SLC2A12: variants seen among roughly 807,000 people sequenced by gnomAD.
SLC2A12 encodes solute carrier family 2 member 12.
SLC2A12 carries 23 observed loss-of-function variants against 41.8 expected under a neutral mutation model. The observed-to-expected ratio is 0.55, with a 90% CI of 0.40 to 0.78. SLC2A12 has a LOEUF of 0.78. SLC2A12 is among the 30% of genes least tolerant of loss of function. The probability of loss-of-function intolerance (pLI) is 0.00; values close to 1 mark genes in which losing one functional copy is unlikely to be tolerated. For missense variants in SLC2A12, 654 were observed against 745.6 expected, an observed-to-expected ratio of 0.88 and a Z score of 1.43; for synonymous variants, 295 against 285.9, an observed-to-expected ratio of 1.03 and a Z score of -0.32.
intron 1 of SLC2A12, among the ~76,000 whole-genome samples, chr6:134,051,297 T>C (rs888784397): frequency 2.0e-5 from 3 of 152,128 alleles, no homozygotes; most frequent in African/African-American, 7.2e-5. Flanking sequence ...TCTCCACTCC[T>C]GAAGAGGGCC....
At position 133,990,971 on chromosome 6, in the gene SLC2A12, T is replaced by TA. The variant is rs1776613797; in HGVS notation, c.*183dup. ...ATCACTTAGGACCTTGTACCTCATC[T>TA]ACCTTTTGAGGTTCCTTCTGGGGAG... On this transcript the variant is annotated 3_prime_UTR_variant, in exon 5 of 5. Coordinates refer to ENST00000275230, the MANE Select transcript of SLC2A12 (RefSeq NM_145176.3). 1 of 633,872 alleles carries TA rather than the reference T, an allele frequency of 1.6e-6. No individual in the cohort carries two copies. Among genetic ancestry groups the TA allele is most frequent in the Non-Finnish European group, 2.6e-6 (1 of 384,172 alleles). The allele number at this position is 633,872 out of a possible 1,614,324, so 39.3% of individuals were successfully genotyped here. A position where few individuals can be genotyped will look rare whatever the true frequency, so the allele number is the denominator to read the frequency against.
At chr6:134,001,909 A>T in intron 4 of SLC2A12, 88 bp downstream of exon 4, 1 of 1,382,932 alleles carries the variant, frequency 7.2e-7, no homozygotes, top group Non-Finnish European at 9.7e-7. Flanking sequence ...AATATCTAAT[A>T]ATTTCAGATA....
intron 3 of SLC2A12, among the ~76,000 whole-genome samples, chr6:134,006,294 A>G (rs1216007933): frequency 1.3e-5 from 2 of 151,972 alleles, no homozygotes; most frequent in Non-Finnish European, 2.9e-5. Context: ...GTTTTTTAAT[A>G]GATTTTTAAT....
chr6:134,002,535 G>A (rs1776766131), intron 3 of SLC2A12, among the ~76,000 whole-genome samples: 1 of 152,022 alleles, frequency 6.6e-6, no homozygotes, highest in African/African-American at 2.4e-5. Context: ...CTTGGGAATC[G>A]CCATGGTAGC....
intron 1 of SLC2A12, among the ~76,000 whole-genome samples, chr6:134,035,396 C>A (rs911617753): frequency 1.2e-4 from 18 of 151,544 alleles, no homozygotes; most frequent in East Asian, 1.9e-4. Flanking sequence ...GGGAGTCCTG[C>A]CCTCTGCCCA....
rs776160549 is a variant in SLC2A12 at position 134,001,997 on chromosome 6, A to C, written c.1700T>G (p.Val567Gly). ...AGAAACCAATGCATGTAATACTTAC[A>C]CTTTTGCTAGCTCCATTGATATTTG... ...LEQISMELAK[V>G]NYVKNNICFM... is the part of the protein sequence containing the mutation. Residue 567 changes from valine to glycine, a missense_variant and splice_region_variant, in exon 4 of 5, where the codon GTG (valine) becomes GGG (glycine). Val to Gly is a moderately radical substitution (Grantham distance 109). This residue lies in a region of SLC2A12 where 134 missense variants were observed against 180.5 expected (regional missense o/e 0.74). Coordinates refer to ENST00000275230, the MANE Select transcript of SLC2A12 (RefSeq NM_145176.3). 5.6e-6 allele frequency: 9 copies of C among 1,609,858 alleles called. No homozygotes were observed. The highest frequency in any genetic ancestry group is 7.6e-6 in the Non-Finnish European group (9 of 1,178,890).
chr6:134,009,943 A>G (rs749719305), intron 2 of SLC2A12, among the ~76,000 whole-genome samples: 1 of 152,222 alleles, frequency 6.6e-6, no homozygotes, highest in Non-Finnish European at 1.5e-5. Flanking sequence ...ATCTGAAAGT[A>G]TCATGTGCAG....
intron 2 of SLC2A12, among the ~76,000 whole-genome samples, chr6:134,018,908 T>G (rs1777003931): frequency 6.6e-6 from 1 of 152,174 alleles, no homozygotes; most frequent in African/African-American, 2.4e-5. Context: ...TTCTCTATCT[T>G]CTCCTCTTCC....
chr6:134,009,642 G>A (rs531403845), intron 2 of SLC2A12, among the ~76,000 whole-genome samples: 152 of 149,410 alleles, frequency 1.0e-3, no homozygotes, highest in South Asian at 3.4e-3. Context: ...ACAACATAGC[G>A]AAATCTTGTC....
intron 1 of SLC2A12, among the ~76,000 whole-genome samples, chr6:134,046,615 A>G (rs1301710816): frequency 6.6e-6 from 1 of 152,110 alleles, no homozygotes; most frequent in East Asian, 1.9e-4. Flanking sequence ...AGCCTGGGCA[A>G]CATGGTGAAA....
intron 2 of SLC2A12, among the ~76,000 whole-genome samples, chr6:134,014,130 G>A (rs953335839): frequency 2.8e-4 from 43 of 152,184 alleles, no homozygotes; most frequent in African/African-American, 9.9e-4. Context: ...TTCCACAGAC[G>A]GGGGCAGGAG....
At chr6:134,023,453 T>G (rs142172736) in intron 2 of SLC2A12, among the ~76,000 whole-genome samples, 3 of 152,112 alleles carry the variant, frequency 2.0e-5, no homozygotes, top group African/African-American at 7.2e-5. Flanking sequence ...GGAAAAGGAA[T>G]TCAGCTTTGG....
Position 134,052,596 on chromosome 6 carries a change from T to G in SLC2A12, c.-116A>C, listed in dbSNP as rs1242355268. On this transcript the variant is annotated 5_prime_UTR_variant, in exon 1 of 5. Coordinates refer to ENST00000275230, the MANE Select transcript of SLC2A12 (RefSeq NM_145176.3). ...GCTAAAGAAGAGTGTGGGGAAAAAC[T>G]TCGGGCAAAGCTAATGTGATTTGTG... 1.3e-6 allele frequency: 1 copy of G among 768,210 alleles called. No homozygotes were observed. Among genetic ancestry groups the G allele is most frequent in the African/African-American group, 1.7e-5 (1 of 57,752 alleles). The allele number at this position is 768,210 out of a possible 1,614,324, so 47.6% of individuals were successfully genotyped here. A position where few individuals can be genotyped will look rare whatever the true frequency, so the allele number is the denominator to read the frequency against.
rs58295985 is a variant in SLC2A12 at position 133,997,085 on chromosome 6, C to CAAAAAAAAAAA, written c.1700+4901_1700+4911dup. Among the ~76,000 whole-genome samples, 461 of 70,476 alleles carry CAAAAAAAAAAA rather than the reference C, an allele frequency of 6.5e-3. 2 individuals are homozygous for CAAAAAAAAAAA. The highest frequency in any genetic ancestry group is 0.011 in the Middle Eastern group (1 of 88). The allele number at this position is 70,476 out of a possible 152,430, so 46.2% of individuals were successfully genotyped here. The stretch of plus-strand genomic sequence containing the variant: ...TGAAACCCCGTCTCTACTAAAAATA[C>CAAAAAAAAAAA]AAAAAAAAAAAAAAAAAAAAAAAAA... On this transcript the variant is annotated intron_variant, in intron 4 of 4. Coordinates refer to ENST00000275230, the MANE Select transcript of SLC2A12 (RefSeq NM_145176.3).
rs762463956 is a variant in SLC2A12, at chr6:134,006,931, G to C, written c.1448C>G (p.Pro483Arg). 6.2e-7 allele frequency: 1 copy of C among 1,613,952 alleles called. No individual in the cohort carries two copies. The highest frequency in any genetic ancestry group is 8.5e-7 in the Non-Finnish European group (1 of 1,179,930). ...AAAGATCTCGCTGAGCACCAGCCAG[G>C]GCACTAGAAGAAAGGCAAGAGTGGG... is the stretch of plus-strand genomic sequence containing the variant. The part of the protein sequence containing the change: ...AAFSIGLGPM[P>R]WLVLSEIFPG... The change falls in exon 3 of 5, where the codon CCC (proline) becomes CGC (arginine). Residue 483 changes from proline to arginine, a missense_variant. Transcript: ENST00000275230.
intron 2 of SLC2A12, among the ~76,000 whole-genome samples, chr6:134,023,788 A>G (rs1346890286): frequency 6.6e-6 from 1 of 152,196 alleles, no homozygotes; most frequent in Non-Finnish European, 1.5e-5. Flanking sequence ...TATCACAGCA[A>G]TGGACTGAAT....
At chr6:134,035,756 CAGT>C (rs1777289193) in intron 1 of SLC2A12, among the ~76,000 whole-genome samples, 1 of 152,334 alleles carries the variant, frequency 6.6e-6, no homozygotes, top group South Asian at 2.1e-4. Context: ...TCAGCAGCAG[CAGT>C]AGGAGGAAGA....
Position 134,028,790 on chromosome 6 carries a change from T to C in SLC2A12, c.1035A>G (p.Thr345=), listed in dbSNP as rs199609819. 1 of 1,614,164 alleles carries C rather than the reference T, an allele frequency of 6.2e-7. No individual in the cohort carries two copies. The highest frequency in any genetic ancestry group is 8.5e-7 in the Non-Finnish European group (1 of 1,180,030). Residue 345 remains threonine, a synonymous_variant, in exon 2 of 5, where the codon ACA becomes ACG. Coordinates refer to ENST00000275230, the MANE Select transcript of SLC2A12 (RefSeq NM_145176.3). ...TLLVDHVGSK[T]FLCIGSSVMA... ...TCACAGAGGAGCCAATGCAGAGGAA[T>C]GTTTTGCTGCCGACATGGTCTACAA... is the stretch of plus-strand genomic sequence containing the variant.
At chr6:134,033,465 C>A (rs1406060878) in intron 1 of SLC2A12, among the ~76,000 whole-genome samples, 1 of 151,934 alleles carries the variant, frequency 6.6e-6, no homozygotes, top group Non-Finnish European at 1.5e-5. Context: ...CTTATCTCTG[C>A]TTGTCATTGT....
Sources: gnomAD v4.1 joint callset for allele counts (sites outside exome capture counted in the v4.1 genomes callset) on GRCh38, gnomAD v4.1.1 for gene constraint, gnomAD v4.1.1 regional missense constraint, MANE v1.5 for transcripts, NCBI Gene and HGNC (gene_info 2026-07-23, HGNC 2026-07-21) for gene names.